ANK3: variants seen among roughly 807,000 people sequenced by gnomAD.
The protein encoded by ANK3 is ankyrin 3, also known as ankyrin-3.
A neutral mutation model predicts 370.9 loss-of-function variants in ANK3; 57 were observed. That is an observed-to-expected ratio of 0.15 (90% CI 0.12 to 0.19). The LOEUF (loss-of-function observed/expected upper bound fraction) is 0.19, where lower values mean the gene tolerates loss of function less well. Ranked by LOEUF, ANK3 falls within the 10% of genes least tolerant of loss-of-function variation. ANK3 has a pLI of 1.00. For synonymous variants in ANK3, 1,929 were observed against 1,946.3 expected, an observed-to-expected ratio of 0.99 and a Z score of 0.23; for missense variants, 4,439 against 5,302.1, an observed-to-expected ratio of 0.84 and a Z score of 5.06.
At chr10:60,046,514 A>G (rs191016929) in intron 42 of ANK3, among the ~76,000 whole-genome samples, 9 of 152,300 alleles carry the variant, frequency 5.9e-5, no homozygotes, top group Admixed American at 3.9e-4. Flanking sequence ...CTATGAAGTA[A>G]GCATATGTAT....
At chr10:60,606,046 A>T (rs925141879) in intron 2 of ANK3, among the ~76,000 whole-genome samples, 3 of 152,192 alleles carry the variant, frequency 2.0e-5, no homozygotes, top group Admixed American at 1.3e-4. Context: ...GGAAAAAAAT[A>T]AAAATGTAGC....
In ANK3 at chr10:60,047,495, C is replaced by T. The variant is rs534274201; in HGVS notation, c.13066-4736G>A. ...CAAATACTAAGCAATATGAATAGTA[C>T]GAAACCTACATATTTTACACACATA... On this transcript the variant is annotated intron_variant, in intron 42 of 43. Transcript: ENST00000280772. Among the ~76,000 whole-genome samples the T allele has an allele frequency of 6.5e-4, 99 of 152,160 alleles. 1 individual carries two copies. Among genetic ancestry groups the T allele is most frequent in the Non-Finnish European group, 1.2e-3 (82 of 68,002 alleles).
chr10:60,196,089 A>T, intron 16 of ANK3, 56 bp downstream of exon 16: 1 of 1,470,160 alleles, frequency 6.8e-7, no homozygotes, highest in South Asian at 1.2e-5. Flanking sequence ...AGATGTGCAG[A>T]TAGAGACTGA....
chr10:60,406,849 T>C (rs1594966499), intron 2 of ANK3, among the ~76,000 whole-genome samples: 1 of 152,214 alleles, frequency 6.6e-6, no homozygotes, highest in Non-Finnish European at 1.5e-5. Flanking sequence ...GTTGTTTTTG[T>C]CTTTTTTCAT....
At chr10:60,589,130 G>A (rs568482565) in intron 2 of ANK3, among the ~76,000 whole-genome samples, 1 of 152,148 alleles carries the variant, frequency 6.6e-6, no homozygotes, top group Non-Finnish European at 1.5e-5. Flanking sequence ...GTTAGTGTGT[G>A]TAGCATTTTA....
intron 2 of ANK3, among the ~76,000 whole-genome samples, chr10:60,526,530 C>T (rs1159961810): frequency 6.6e-6 from 1 of 152,038 alleles, no homozygotes; most frequent in Non-Finnish European, 1.5e-5. Flanking sequence ...TGTGACAAAA[C>T]AGCTCTTTAG....
At chr10:60,347,840 C>T (rs1041916303) in intron 1 of ANK3, among the ~76,000 whole-genome samples, 1 of 152,154 alleles carries the variant, frequency 6.6e-6, no homozygotes, top group African/African-American at 2.4e-5. Context: ...AAGTTCTCAG[C>T]TGATGCTGAT....
intron 2 of ANK3, among the ~76,000 whole-genome samples, chr10:60,600,903 T>A (rs1449547809): frequency 1.3e-5 from 2 of 152,132 alleles, no homozygotes; most frequent in Non-Finnish European, 2.9e-5. Flanking sequence ...GCTCATTGTT[T>A]ATTTTGAATT....
chr10:60,030,104 T>C (rs942381570), intron 43 of ANK3, among the ~76,000 whole-genome samples: 6 of 151,842 alleles, frequency 4.0e-5, no homozygotes, highest in Non-Finnish European at 8.8e-5. Context: ...TTGCTTATTA[T>C]TGTATCTGTG....
intron 2 of ANK3, among the ~76,000 whole-genome samples, chr10:60,464,563 C>T (rs756213121): frequency 1.3e-4 from 20 of 152,094 alleles, no homozygotes; most frequent in African/African-American, 4.8e-4. Flanking sequence ...CAGAGAACCC[C>T]CGATGTAATG....
At chr10:60,340,806 A>G (rs2054110150) in intron 1 of ANK3, among the ~76,000 whole-genome samples, 1 of 152,138 alleles carries the variant, frequency 6.6e-6, no homozygotes, top group African/African-American at 2.4e-5. Flanking sequence ...AGCATCAACT[A>G]AGCACTTAAT....
intron 2 of ANK3, among the ~76,000 whole-genome samples, chr10:60,579,032 A>T (rs958839353): frequency 6.6e-6 from 1 of 152,182 alleles, no homozygotes; most frequent in Non-Finnish European, 1.5e-5. Context: ...AAATGAGCTT[A>T]AAAGATTTTT....
At chr10:60,596,871 C>G (rs2077995022) in intron 2 of ANK3, among the ~76,000 whole-genome samples, 1 of 152,204 alleles carries the variant, frequency 6.6e-6, no homozygotes, top group African/African-American at 2.4e-5. Flanking sequence ...ATCACCTGTT[C>G]CCTTACAAAC....
rs184435550 is a variant in ANK3, at chr10:60,516,668, T to C, written c.96+98518A>G. Among the ~76,000 whole-genome samples, 130 of 152,250 alleles carry C rather than the reference T, an allele frequency of 8.5e-4. No homozygotes were observed. The Middle Eastern group carries it at 0.017, about 20-fold the overall frequency. On this transcript the variant is annotated intron_variant, in intron 2 of 43. Coordinates refer to the ANK3 transcript ENST00000373827. ...TAGTAGTGAGCTCCTATGATCCCAG[T>C]TACCCAGAGGATCACTTGAGCCCAG...
chr10:60,713,908 T>C (rs1467516086), intron 1 of ANK3, among the ~76,000 whole-genome samples: 5 of 149,180 alleles, frequency 3.4e-5, no homozygotes, highest in African/African-American at 7.4e-5. Flanking sequence ...CAGAAACCAA[T>C]AAAATTGAAA....
intron 1 of ANK3, among the ~76,000 whole-genome samples, chr10:60,725,303 C>T (rs1312011131): frequency 6.6e-6 from 1 of 152,150 alleles, no homozygotes; most frequent in Non-Finnish European, 1.5e-5. Flanking sequence ...AAGCAATGCT[C>T]ACTCAGTTAC....
intron 2 of ANK3, among the ~76,000 whole-genome samples, chr10:60,561,876 G>A (rs1299089613): frequency 1.3e-5 from 2 of 152,208 alleles, no homozygotes; most frequent in Non-Finnish European, 2.9e-5. Flanking sequence ...CATGAATTGT[G>A]TCTGAGCCCT....
intron 1 of ANK3, among the ~76,000 whole-genome samples, chr10:60,337,949 T>C (rs377499462): frequency 1.7e-4 from 26 of 152,220 alleles, no homozygotes; most frequent in Non-Finnish European, 3.2e-4. Context: ...ATTTTCCATA[T>C]GACATTTCAT....
chr10:60,282,657 C>G lies in ANK3; in HGVS notation c.115-3018G>C, dbSNP rs180896895. The stretch of plus-strand genomic sequence containing the variant: ...TCTCTGGTGGACGCCTTCATTATAT[C>G]TATTTCATTCAATGACCCTGATATC... On this transcript the variant is annotated intron_variant, in intron 1 of 43. Coordinates refer to ENST00000280772, the MANE Select transcript of ANK3 (RefSeq NM_020987.5). Among the ~76,000 whole-genome samples the G allele has an allele frequency of 2.9e-3, 435 of 152,192 alleles. 3 individuals are homozygous for G. The highest frequency in any genetic ancestry group is 0.028 in the South Asian group (134 of 4,818).
Sources: allele counts gnomAD v4.1 joint callset (sites outside exome capture counted in the v4.1 genomes callset), GRCh38; gene constraint gnomAD v4.1.1; transcripts MANE v1.5; gene names NCBI Gene and HGNC (gene_info 2026-07-23, HGNC 2026-07-21).